The following INO80D variants were observed in gnomAD, a reference collection of about 807,000 sequenced individuals.
The protein encoded by INO80D is INO80 complex subunit D.
A neutral mutation model predicts 87.6 loss-of-function variants in INO80D; 21 were observed. The ratio of observed to expected loss-of-function variants is 0.24; its 90% confidence interval spans 0.17 to 0.35. INO80D has a LOEUF of 0.35. Ranked by LOEUF, INO80D falls within the 10% of genes least tolerant of loss-of-function variation. The probability of loss-of-function intolerance (pLI) is 1.00; values close to 1 mark genes in which losing one functional copy is unlikely to be tolerated. For synonymous variants in INO80D, 440 were observed against 491.0 expected, an observed-to-expected ratio of 0.90 and a Z score of 1.37; for missense variants, 982 against 1,280.7, an observed-to-expected ratio of 0.77 and a Z score of 3.56.
At chr2:206,051,764 G>A (rs1689377318) in intron 4 of INO80D, among the ~76,000 whole-genome samples, 1 of 152,192 alleles carries the variant, frequency 6.6e-6, no homozygotes, top group South Asian at 2.1e-4. Context: ...GCCTCCCAAA[G>A]TGGTAAGATT....
At chr2:206,046,019 C>T (rs1045658462) in intron 5 of INO80D, among the ~76,000 whole-genome samples, 2 of 152,086 alleles carry the variant, frequency 1.3e-5, no homozygotes, top group African/African-American at 4.8e-5. Flanking sequence ...GGGAAAGGTA[C>T]AGAAGCAAAT....
In INO80D at chr2:206,077,210, G is replaced by A. The variant is rs1456646639; in HGVS notation, c.-124+8691C>T. Among the ~76,000 whole-genome samples the A allele has an allele frequency of 3.9e-5, 6 of 151,996 alleles. No homozygotes were observed. In the East Asian group the frequency reaches 1.2e-3, roughly 30 times the overall value. The stretch of plus-strand genomic sequence containing the variant: ...GAGAATGGTGTGAACCCGGGAGTCG[G>A]GCGCCTGCAGTCCCAGCTACTCGGG... On this transcript the variant is annotated intron_variant, in intron 1 of 10. Coordinates refer to ENST00000403263, the MANE Select transcript of INO80D (RefSeq NM_017759.5).
chr2:206,006,080 T>C (rs899850383), intron 10 of INO80D, among the ~76,000 whole-genome samples: 1 of 152,202 alleles, frequency 6.6e-6, no homozygotes. Context: ...TTCAAAATGC[T>C]TTTGCTTTAC....
chr2:206,001,878 C>T lies in INO80D; in HGVS notation c.*2490G>A, dbSNP rs528776736. Reference sequence around the variant, plus strand: ...TTTGGTGTGAAGCTGTAACTAGCAACATTCCTGATAATTTCATGCCTCCTT... The same window carrying T: ...TTTGGTGTGAAGCTGTAACTAGCAATATTCCTGATAATTTCATGCCTCCTT... On this transcript the variant is annotated 3_prime_UTR_variant, in exon 11 of 11. Coordinates refer to ENST00000403263, the MANE Select transcript of INO80D (RefSeq NM_017759.5). The T allele has an allele frequency of 2.0e-5, 3 of 152,214 alleles. No homozygotes were observed. The highest frequency in any genetic ancestry group is 2.9e-5 in the Non-Finnish European group (2 of 68,044). 9.4% of individuals were successfully genotyped at this position (152,214 alleles called of 1,614,324 possible).
At position 206,007,312 on chromosome 2, in the gene INO80D, A is replaced by C. The variant is rs754948293; in HGVS notation, c.1890T>G (p.Asp630Glu). ...CAAAAAAATCAAAATCTTGTAAGTC[A>C]TCAGGTAGCCGTGGCAGGACATCTG... ...DFSDVLPRLP[D>E]DLQDFDFFEG... The change falls in exon 10 of 11, where the codon GAT (aspartate) becomes GAG (glutamate). Residue 630 changes from aspartate to glutamate, a missense_variant. Transcript: ENST00000403263. The C allele has an allele frequency of 6.2e-7, 1 of 1,613,552 alleles. No individual in the cohort carries two copies. Among genetic ancestry groups the C allele is most frequent in the Admixed American group, 1.7e-5 (1 of 59,904 alleles).
At chr2:206,031,486 A>G (rs188360020) in intron 5 of INO80D, among the ~76,000 whole-genome samples, 287 of 152,284 alleles carry the variant, frequency 1.9e-3, no homozygotes, top group African/African-American at 6.7e-3. Context: ...GTTATTTTAA[A>G]AAGATGCACC....
At chr2:206,009,873 C>G (rs1688124190) in intron 8 of INO80D, 79 bp from the exon 9 acceptor site, 1 of 1,158,408 alleles carries the variant, frequency 8.6e-7, no homozygotes, top group African/African-American at 1.6e-5. Context: ...TACTTACATC[C>G]CTTAATATTC....
Position 206,002,731 on chromosome 2 carries a change from A to T in INO80D, c.*1637T>A, listed in dbSNP as rs1355414054. On this transcript the variant is annotated 3_prime_UTR_variant, in exon 11 of 11. Transcript: ENST00000403263. ...ATACAGGAAGTAGGAAAATACATCC[A>T]ATCACTACCTATTAGAAAGGAATTA... The T allele has an allele frequency of 1.3e-5, 2 of 152,344 alleles. No homozygotes were observed. The highest frequency in any genetic ancestry group is 3.9e-4 in the East Asian group (2 of 5,190). 9.4% of individuals were successfully genotyped at this position (152,344 alleles called of 1,614,324 possible).
At chr2:206,075,459 C>CA (rs1690088298) in intron 1 of INO80D, among the ~76,000 whole-genome samples, 1 of 149,326 alleles carries the variant, frequency 6.7e-6, no homozygotes, top group South Asian at 2.1e-4. Flanking sequence ...TTTTTAAAGA[C>CA]AGAATCTCAT....
intron 3 of INO80D, among the ~76,000 whole-genome samples, chr2:206,060,539 A>C (rs2105887837): frequency 6.6e-6 from 1 of 151,346 alleles, no homozygotes; most frequent in African/African-American, 2.4e-5. Context: ...CGTCAAAAAA[A>C]AAAAACAACA....
At chr2:206,018,797 G>A (rs757974065) in intron 7 of INO80D, among the ~76,000 whole-genome samples, 6 of 152,148 alleles carry the variant, frequency 3.9e-5, no homozygotes, top group Non-Finnish European at 7.4e-5. Flanking sequence ...AGGTACTCAG[G>A]AGGCTGTGAT....
chr2:206,012,226 G>C (rs1444309403), intron 8 of INO80D, among the ~76,000 whole-genome samples: 1 of 152,254 alleles, frequency 6.6e-6, no homozygotes, highest in Non-Finnish European at 1.5e-5. Context: ...GCAGAAAATA[G>C]ATCAGTGGGG....
chr2:206,024,311 A>G (rs1327229219), intron 6 of INO80D, among the ~76,000 whole-genome samples: 3 of 152,152 alleles, frequency 2.0e-5, no homozygotes, highest in South Asian at 2.1e-4. Context: ...AAATTGTACA[A>G]TGAAACAGAG....
chr2:206,024,101 C>T (rs1197167410), intron 6 of INO80D, among the ~76,000 whole-genome samples: 1 of 152,102 alleles, frequency 6.6e-6, no homozygotes, highest in Non-Finnish European at 1.5e-5. Context: ...CACTTGAAAG[C>T]ATTATATCAT....
At position 206,004,723 on chromosome 2, in the gene INO80D, T is replaced by C; in HGVS notation, c.2729A>G (p.Asp910Gly). 1.2e-6 allele frequency: 2 copies of C among 1,613,876 alleles called. No individual in the cohort carries two copies. The highest frequency in any genetic ancestry group is 8.5e-7 in the Non-Finnish European group (1 of 1,179,862). Residue 910 changes from aspartate to glycine, a missense_variant, in exon 11 of 11, where the codon GAT (aspartate) becomes GGT (glycine). By Grantham distance (94) the Asp-to-Gly change is moderately conservative. Coordinates refer to ENST00000403263, the MANE Select transcript of INO80D (RefSeq NM_017759.5). The surrounding 1 kb of genome is among the most constrained non-coding windows in gnomAD (Gnocchi z 4.9). The part of the protein sequence containing the change: ...PSPFSNLLGA[D>G]GHLLSTSLST... ...TAGGGAAGTGGAAAGAAGATGTCCA[T>C]CTGCGCCGAGAAGGTTGCTAAATGG...
intron 6 of INO80D, among the ~76,000 whole-genome samples, chr2:206,027,906 T>C (rs1235720375): frequency 3.3e-5 from 5 of 152,206 alleles, no homozygotes; most frequent in Admixed American, 2.6e-4. Flanking sequence ...CAGCAAAATT[T>C]TAGTAATGGT....
At chr2:206,081,768 A>AAAAGAAAGAAAG (rs56190512) in intron 1 of INO80D, among the ~76,000 whole-genome samples, 1 of 147,066 alleles carries the variant, frequency 6.8e-6, no homozygotes, top group East Asian at 2.0e-4. Context: ...AAAAAAAAAA[A>AAAAGAAAGAAAG]AAAGAAAGAA....
intron 4 of INO80D, among the ~76,000 whole-genome samples, chr2:206,046,996 C>G (rs1323846992): frequency 6.6e-6 from 1 of 152,054 alleles, no homozygotes; most frequent in Non-Finnish European, 1.5e-5. Flanking sequence ...GGCCAGGCTG[C>G]TCTTGAACGC....
Position 206,005,425 on chromosome 2 carries a change from T to G in INO80D, c.2027A>C (p.Gln676Pro). 6.2e-7 allele frequency: 1 copy of G among 1,613,972 alleles called. No homozygotes were observed. The highest frequency in any genetic ancestry group is 8.5e-7 in the Non-Finnish European group (1 of 1,179,898). Reference protein sequence around the residue: ...ECLSTIGVLAQSDGVPVQELS... With the variant: ...ECLSTIGVLAPSDGVPVQELS... ...CTCCTGGACTGGCACACCATCTGAC[T>G]GGGCAAGGACCCCAATGGTACTCAG... The change falls in exon 11 of 11, where the codon CAG becomes CCG. Residue 676 changes from glutamine (Q) to proline (P), a missense_variant. Coordinates refer to ENST00000403263, the MANE Select transcript of INO80D (RefSeq NM_017759.5).
Sources: allele counts gnomAD v4.1 joint callset (sites outside exome capture counted in the v4.1 genomes callset), GRCh38; gene constraint gnomAD v4.1.1; non-coding constraint Gnocchi (gnomAD v3.1); transcripts MANE v1.5; gene names NCBI Gene and HGNC (gene_info 2026-07-23, HGNC 2026-07-21).